Variants in HAUS6 observed in about 807,000 individuals in gnomAD.
The protein encoded by HAUS6 is HAUS augmin-like complex subunit 6.
In HAUS6, 80 loss-of-function variants were observed where a neutral mutation model predicts 106.8. The ratio of observed to expected loss-of-function variants is 0.75; its 90% CI spans 0.63 to 0.90. The LOEUF is 0.90. Ranked by LOEUF, HAUS6 falls within the 40% of genes least tolerant of loss-of-function variation. The pLI, the probability that HAUS6 is intolerant of heterozygous loss-of-function variation, is 0.00. For synonymous variants in HAUS6, 356 were observed against 379.1 expected (o/e 0.94, Z 0.71); for missense variants, 1,155 against 1,118.1 (o/e 1.03, Z -0.47).
At chr9:19,083,252 C>G (rs887789939) in intron 7 of HAUS6, among the ~76,000 whole-genome samples, 2 of 151,934 alleles carry the variant, frequency 1.3e-5, no homozygotes, top group African/African-American at 4.8e-5. Context: ...ATCTAGCTCA[C>G]TATAATTTTC....
chr9:19,057,567 G>T, intron 16 of HAUS6: 1 of 195,164 alleles, frequency 5.1e-6, no homozygotes, highest in Non-Finnish European at 1.0e-5. Flanking sequence ...ACACTGACCT[G>T]GCTTCTTTTA....
intron 12 of HAUS6, among the ~76,000 whole-genome samples, chr9:19,066,061 G>A (rs994740238): frequency 6.6e-6 from 1 of 150,862 alleles, no homozygotes; most frequent in African/African-American, 2.4e-5. Context: ...CCAGCCTCCT[G>A]AGTAGCTGGA....
Position 19,055,713 on chromosome 9 carries a change from C to A in HAUS6, c.*630G>T, listed in dbSNP as rs1446265803. 1.3e-5 allele frequency: 2 copies of A among 152,112 alleles called. No homozygotes were observed. The highest frequency in any genetic ancestry group is 2.9e-5 in the Non-Finnish European group (2 of 68,026). 9.4% of individuals were successfully genotyped at this position (152,112 alleles called of 1,614,324 possible). On this transcript the variant is annotated 3_prime_UTR_variant, in exon 17 of 17. Coordinates refer to ENST00000380502, the MANE Select transcript of HAUS6 (RefSeq NM_017645.5). ...TTTTTCCTTTTTTTAAATCATTCTG[C>A]CCCAGTCTTCACTTAATCATCACAT... is the stretch of plus-strand genomic sequence containing the variant.
intron 11 of HAUS6, among the ~76,000 whole-genome samples, chr9:19,071,554 T>C (rs543111741): frequency 2.0e-4 from 30 of 147,168 alleles, no homozygotes; most frequent in Non-Finnish European, 3.9e-4. Flanking sequence ...ACCTGCATAA[T>C]ACAAAAGAAA....
Position 19,053,436 on chromosome 9 carries a change from T to C in HAUS6, c.*2907A>G, listed in dbSNP as rs1480722677. The C allele has an allele frequency of 6.6e-6, 1 of 152,174 alleles. No individual in the cohort carries two copies. Among genetic ancestry groups the C allele is most frequent in the Non-Finnish European group, 1.5e-5 (1 of 67,994 alleles). 9.4% of individuals were successfully genotyped at this position (152,174 alleles called of 1,614,324 possible). A position where few individuals can be genotyped will look rare whatever the true frequency, so the allele number is the denominator to read the frequency against. ...AATTCCTGTTTTTCCTTTAGATAAATTTGACTTCATAGTCAAGAGTCTCAT... is the reference window on the plus strand; with the variant it reads ...AATTCCTGTTTTTCCTTTAGATAAACTTGACTTCATAGTCAAGAGTCTCAT... On this transcript the variant is annotated 3_prime_UTR_variant, in exon 17 of 17. Transcript: ENST00000380502.
intron 15 of HAUS6, among the ~76,000 whole-genome samples, chr9:19,059,840 G>A (rs937951239): frequency 6.6e-6 from 1 of 151,956 alleles, no homozygotes; most frequent in Non-Finnish European, 1.5e-5. Flanking sequence ...CTAGATAAAA[G>A]CAAAGTATAA....
At chr9:19,089,793 G>A (rs919692852) in intron 4 of HAUS6, 2 of 507,422 alleles carry the variant, frequency 3.9e-6, no homozygotes, top group Non-Finnish European at 6.9e-6. Context: ...CCAAAAGCTA[G>A]TATACCACAA....
intron 12 of HAUS6, among the ~76,000 whole-genome samples, chr9:19,066,565 C>T (rs954935857): frequency 9.9e-5 from 15 of 151,726 alleles, no homozygotes; most frequent in Non-Finnish European, 2.2e-4. Flanking sequence ...TTAGAAATAT[C>T]ATGGAACTCC....
chr9:19,063,290 A>G lies in HAUS6; in HGVS notation c.1444-97T>C. On this transcript the variant is annotated intron_variant, in intron 13 of 16. Transcript: ENST00000380502. Reference sequence around the variant, plus strand: ...GTTCACTGGTTATCATGAACCTATAAAAGGTTGTTAATACTATTGTGAAAT... The same window carrying G: ...GTTCACTGGTTATCATGAACCTATAGAAGGTTGTTAATACTATTGTGAAAT... 7 of 799,908 alleles carry G rather than the reference A, an allele frequency of 8.8e-6. No individual in the cohort carries two copies. The South Asian group carries it at 1.3e-4, about 15-fold the overall frequency. 49.6% of individuals were successfully genotyped at this position (799,908 alleles called of 1,614,324 possible). A position where few individuals can be genotyped will look rare whatever the true frequency, so the allele number is the denominator to read the frequency against.
intron 12 of HAUS6, among the ~76,000 whole-genome samples, chr9:19,068,714 TA>T (rs372286420): frequency 0.011 from 1,650 of 144,890 alleles, 31 homozygotes; most frequent in African/African-American, 0.037. Context: ...AAAAAACAAT[TA>T]AAAAAAAAAA....
intron 12 of HAUS6, among the ~76,000 whole-genome samples, chr9:19,064,182 G>C (rs1353905748): frequency 1.3e-5 from 2 of 152,072 alleles, no homozygotes; most frequent in Non-Finnish European, 2.9e-5. Context: ...AGTCAGGCTG[G>C]TCTCAAACTC....
At chr9:19,098,912 C>T (rs1050335348) in intron 1 of HAUS6, among the ~76,000 whole-genome samples, 7 of 150,778 alleles carry the variant, frequency 4.6e-5, no homozygotes, top group East Asian at 2.0e-4. Context: ...ATCCCAGCTA[C>T]TCCAGAGGCT....
chr9:19,069,827 A>G (rs72696456), intron 12 of HAUS6, among the ~76,000 whole-genome samples: 5,283 of 151,644 alleles, frequency 0.035, 114 homozygotes, highest in Non-Finnish European at 0.051. Flanking sequence ...CAGGCACAGG[A>G]GGTTATGACC....
At chr9:19,087,048 A>C in intron 6 of HAUS6, 43 bp downstream of exon 6, 1 of 903,608 alleles carries the variant, frequency 1.1e-6, no homozygotes, top group Non-Finnish European at 1.9e-6. Context: ...TGCAAGAGCT[A>C]AACTAGTATC....
At chr9:19,074,171 C>T (rs547200626) in intron 11 of HAUS6, among the ~76,000 whole-genome samples, 50 of 151,952 alleles carry the variant, frequency 3.3e-4, no homozygotes, top group Non-Finnish European at 5.2e-4. Context: ...TGCTTGAACC[C>T]GGGAGGCGAA....
At chr9:19,075,266 G>A (rs1416555441) in intron 11 of HAUS6, among the ~76,000 whole-genome samples, 1 of 152,174 alleles carries the variant, frequency 6.6e-6, no homozygotes, top group African/African-American at 2.4e-5. Context: ...TAGCTAAAGG[G>A]TATGAGGTTT....
intron 11 of HAUS6, among the ~76,000 whole-genome samples, chr9:19,072,022 T>C (rs1836891078): frequency 7.0e-6 from 1 of 142,450 alleles, no homozygotes; most frequent in Non-Finnish European, 1.6e-5. Context: ...TGGCCCCGTC[T>C]CTACTAAAAA....
chr9:19,076,521 G>C, intron 11 of HAUS6, 81 bp downstream of exon 11: 2 of 733,066 alleles, frequency 2.7e-6, no homozygotes, highest in Non-Finnish European at 4.8e-6. Context: ...AAAAGATAAG[G>C]AATTTAAAGA....
At chr9:19,083,541 G>A (rs566680594) in intron 7 of HAUS6, among the ~76,000 whole-genome samples, 7 of 152,178 alleles carry the variant, frequency 4.6e-5, no homozygotes, top group African/African-American at 1.7e-4. Flanking sequence ...AGTGGCTCAC[G>A]TCTGTAATCC....
Sources: gnomAD v4.1 joint callset for allele counts (sites outside exome capture counted in the v4.1 genomes callset) on GRCh38, gnomAD v4.1.1 for gene constraint, MANE v1.5 for transcripts, NCBI Gene and HGNC (gene_info 2026-07-23, HGNC 2026-07-21) for gene names.